Variants in ITGA6 observed in about 807,000 individuals in gnomAD.
ITGA6 encodes integrin subunit alpha 6, also known as integrin alpha-6.
A neutral mutation model predicts 133.6 loss-of-function variants in ITGA6; 63 were observed. The ratio of observed to expected loss-of-function variants is 0.47; its 90% CI spans 0.38 to 0.58. The LOEUF is 0.58. ITGA6 is among the 20% of genes least tolerant of loss of function. The pLI is 0.00. For missense variants in ITGA6, 1,068 were observed against 1,309.4 expected (o/e 0.82, Z 2.85); for synonymous variants, 434 against 482.0 (o/e 0.90, Z 1.30).
intron 1 of ITGA6, among the ~76,000 whole-genome samples, chr2:172,440,575 G>A (rs1304697239): frequency 1.3e-5 from 2 of 152,086 alleles, no homozygotes; most frequent in Non-Finnish European, 2.9e-5. Context: ...GTATCATTTA[G>A]TACTATATTC....
intron 1 of ITGA6, among the ~76,000 whole-genome samples, chr2:172,438,086 GGGGAGCA>G (rs1219267243): frequency 6.6e-6 from 1 of 151,744 alleles, no homozygotes; most frequent in Non-Finnish European, 1.5e-5. Context: ...TTGCTGTAGA[GGGGAGCA>G]GAGCCATGGC....
Position 172,469,238 on chromosome 2 carries a change from G to GGATGGGGGAGATTGGAGCTTTTGT in ITGA6, c.508_531dup (p.Gly170_Gly177dup). On this transcript the variant is annotated inframe_insertion, in exon 4 of 26. Coordinates refer to ENST00000684293, the MANE Select transcript of ITGA6 (RefSeq NM_000210.4). The stretch of plus-strand genomic sequence containing the variant: ...AGAATCTCAGGATTGAAGACGATAT[G>GGATGGGGGAGATTGGAGCTTTTGT]GATGGGGGAGATTGGAGCTTTTGTG... 6.2e-7 allele frequency: 1 copy of GGATGGGGGAGATTGGAGCTTTTGT among 1,614,184 alleles called. No homozygotes were observed. The highest frequency in any genetic ancestry group is 8.5e-7 in the Non-Finnish European group (1 of 1,180,012).
chr2:172,489,816 G>C, intron 20 of ITGA6, 158 bp downstream of exon 20: 1 of 676,924 alleles, frequency 1.5e-6, no homozygotes, highest in Non-Finnish European at 2.5e-6. Flanking sequence ...GGGTAACTGA[G>C]GGAGGCTGAG....
At chr2:172,461,067 G>A (rs1685409872) in intron 1 of ITGA6, among the ~76,000 whole-genome samples, 1 of 152,194 alleles carries the variant, frequency 6.6e-6, no homozygotes. Context: ...AACGGATGTG[G>A]CTTACTTGAA....
chr2:172,427,545 TC>T (rs1247945597), upstream of ITGA6: 7 of 1,174,102 alleles, frequency 6.0e-6, no homozygotes, highest in Non-Finnish European at 7.3e-6. Flanking sequence ...GGGGCCGGCG[TC>T]CTCGTCACTT....
chr2:172,428,083 G>T (rs567954192), intron 1 of ITGA6, 113 bp downstream of exon 1: 2 of 1,063,168 alleles, frequency 1.9e-6, no homozygotes, highest in South Asian at 3.0e-5. Flanking sequence ...CGTGGGTCGC[G>T]CCCGGGCCGG....
upstream of ITGA6, chr2:172,427,443 G>T (rs764988492): frequency 3.0e-4 from 311 of 1,046,088 alleles, no homozygotes; most frequent in Non-Finnish European, 3.4e-4. Flanking sequence ...GGCAGGTACC[G>T]GGCAGCTGGA....
At chr2:172,472,686 A>T in intron 5 of ITGA6, 1 of 827,876 alleles carries the variant, frequency 1.2e-6, no homozygotes, top group Non-Finnish European at 2.1e-6. Context: ...TGGCCTCCTC[A>T]TCCAGCGAGA....
chr2:172,475,227 G>A (rs1043344307), intron 7 of ITGA6, 105 bp downstream of exon 7: 80 of 821,118 alleles, frequency 9.7e-5, no homozygotes, highest in South Asian at 8.3e-4. Flanking sequence ...CAGCACTTTG[G>A]GAGGCTGAGG....
At chr2:172,451,067 A>G (rs1279647699) in intron 1 of ITGA6, among the ~76,000 whole-genome samples, 1 of 151,392 alleles carries the variant, frequency 6.6e-6, no homozygotes, top group African/African-American at 2.4e-5. Flanking sequence ...AGGCATGAGA[A>G]TCACTTCAAC....
At chr2:172,488,764 C>T (rs1194064661) in intron 19 of ITGA6, among the ~76,000 whole-genome samples, 1 of 152,172 alleles carries the variant, frequency 6.6e-6, no homozygotes, top group African/African-American at 2.4e-5. Flanking sequence ...GTGGTGAAAG[C>T]CTCAAATGGC....
chr2:172,459,256 G>A (rs1423165859), intron 1 of ITGA6, among the ~76,000 whole-genome samples: 1 of 152,174 alleles, frequency 6.6e-6, no homozygotes, highest in Non-Finnish European at 1.5e-5. Context: ...GGAGACTGAG[G>A]TAGCTGGGGC....
chr2:172,479,095 G>A (rs3828343), intron 9 of ITGA6, among the ~76,000 whole-genome samples: 8 of 152,016 alleles, frequency 5.3e-5, no homozygotes, highest in South Asian at 2.1e-4. Context: ...GCTCAACAAC[G>A]TGAATGTCTA....
At chr2:172,485,449 TG>T (rs752650679) in intron 13 of ITGA6, among the ~76,000 whole-genome samples, 185 bp downstream of exon 13, 3 of 152,218 alleles carry the variant, frequency 2.0e-5, no homozygotes, top group Non-Finnish European at 2.9e-5. Flanking sequence ...CATAAAAACA[TG>T]AAATACAATT....
intron 23 of ITGA6, among the ~76,000 whole-genome samples, chr2:172,492,512 A>T (rs567858415): frequency 1.3e-5 from 2 of 152,346 alleles, no homozygotes; most frequent in East Asian, 1.9e-4. Flanking sequence ...TCAACTTTCT[A>T]TCCCTGAAAG....
intron 25 of ITGA6, among the ~76,000 whole-genome samples, chr2:172,502,894 T>C (rs897581832): frequency 2.6e-5 from 4 of 152,192 alleles, no homozygotes; most frequent in African/African-American, 9.7e-5. Flanking sequence ...TTACCCTTAA[T>C]TTCCCTCTTT....
At position 172,491,753 on chromosome 2, in the gene ITGA6, C is replaced by T. The variant is rs1686938484; in HGVS notation, c.2988+230C>T. ...GCAGTGCCCATGGTAGGTTTGAGAA[C>T]TACTGGCTCAATTCAGAGAATGGGT... On this transcript the variant is annotated intron_variant, in intron 23 of 25. Transcript: ENST00000684293. This position sits in a 1 kb window ranked among gnomAD's most constrained non-coding sequence, Gnocchi z 4.4. 6.6e-6 allele frequency among the ~76,000 whole-genome samples: 1 copy of T among 152,152 alleles called. No homozygotes were observed. The highest frequency in any genetic ancestry group is 2.4e-5 in the African/African-American group (1 of 41,396).
intron 13 of ITGA6, among the ~76,000 whole-genome samples, chr2:172,485,834 C>G (rs565728422): frequency 6.6e-6 from 1 of 152,080 alleles, no homozygotes. Context: ...AAGGTTAGCC[C>G]GGGCAGCTAT....
chr2:172,472,766 G>A (rs1216208615), intron 5 of ITGA6: 1 of 1,565,690 alleles, frequency 6.4e-7, no homozygotes, highest in Non-Finnish European at 8.8e-7. Flanking sequence ...TCCCGTGCAT[G>A]CGTACAGGCC....
Sources: gnomAD v4.1 joint callset for allele counts (sites outside exome capture counted in the v4.1 genomes callset) on GRCh38, gnomAD v4.1.1 for gene constraint, Gnocchi (gnomAD v3.1) non-coding constraint, MANE v1.5 for transcripts, NCBI Gene and HGNC (gene_info 2026-07-23, HGNC 2026-07-21) for gene names.